Variants in FOXN4 observed in about 807,000 individuals in gnomAD.
FOXN4 encodes the protein forkhead box N4.
In FOXN4, 12 loss-of-function variants were observed where a neutral mutation model predicts 45.0. The observed-to-expected ratio is 0.27, with a 90% CI of 0.17 to 0.43. The LOEUF (loss-of-function observed/expected upper bound fraction) is 0.43, where lower values mean the gene tolerates loss of function less well. Among genes scored for constraint, FOXN4 ranks in the 20% least tolerant of loss-of-function variants. The pLI is 1.00. For missense variants in FOXN4, 560 were observed against 694.9 expected (o/e 0.81, Z 2.18); for synonymous variants, 297 against 295.0 (o/e 1.01, Z -0.07).
In FOXN4 at chr12:109,287,950, C is replaced by T. The variant is rs774643957; in HGVS notation, c.362G>A (p.Ser121Asn). The T allele has an allele frequency of 3.9e-6, 6 of 1,549,774 alleles. No homozygotes were observed. The highest frequency in any genetic ancestry group is 5.2e-6 in the Non-Finnish European group (6 of 1,146,918). The change falls in exon 5 of 10, where the codon AGC (serine) becomes AAC (asparagine). Residue 121 changes from serine to asparagine, a missense_variant. Around this residue, in one of 5 missense-constraint regions of FOXN4, gnomAD observed 142 missense variants for 185.7 expected, o/e 0.76. Coordinates refer to ENST00000299162, the MANE Select transcript of FOXN4 (RefSeq NM_213596.3). The surrounding 1 kb of genome is among the most constrained non-coding windows in gnomAD (Gnocchi z 4.1). The part of the protein sequence containing the change: ...GPITGHRDSM[S>N]QFPVGGQPSS... The stretch of plus-strand genomic sequence containing the variant: ...GGGCTGGCCCCCCACGGGGAACTGG[C>T]TCATCTGCTGGGCAGGAAGAGGAGG...
chr12:109,298,143 T>A (rs1280038943), intron 2 of FOXN4, among the ~76,000 whole-genome samples: 1 of 152,046 alleles, frequency 6.6e-6, no homozygotes, highest in Non-Finnish European at 1.5e-5. Context: ...CCCATCGCCA[T>A]CCCCACCACC....
In FOXN4 at chr12:109,281,513, G is replaced by C. The variant is rs1165340328; in HGVS notation, c.1188C>G (p.Pro396=). 6.2e-7 allele frequency: 1 copy of C among 1,613,916 alleles called. No individual in the cohort carries two copies. Among genetic ancestry groups the C allele is most frequent in the Non-Finnish European group, 8.5e-7 (1 of 1,179,868 alleles). ...ALPDLSPSPL[P]HPAMGRAPVD... is the part of the protein sequence containing the mutation. ...CAGGAGCCCTTCCCATGGCGGGGTG[G>C]GGGAGCGGGCTGGGGCTGAGGTCCG... Residue 396 remains proline, a synonymous_variant, in exon 9 of 10, where the codon CCC becomes CCG. Coordinates refer to ENST00000299162, the MANE Select transcript of FOXN4 (RefSeq NM_213596.3).
intron 2 of FOXN4, among the ~76,000 whole-genome samples, chr12:109,298,257 G>A (rs998520288): frequency 6.6e-5 from 10 of 151,742 alleles, no homozygotes; most frequent in Admixed American, 3.3e-4. Flanking sequence ...AGCAGTAGCC[G>A]AGGGGATGAA....
Position 109,309,016 on chromosome 12 carries a change from G to A in FOXN4, c.-4+103C>T, listed in dbSNP as rs1456980031. ...CCAGGAAGGAGGAAAAGGGAGCAGA[G>A]GGAGGCGGCCCCGCAGCCCCTGCGC... On this transcript the variant is annotated intron_variant, in intron 1 of 9. Coordinates refer to ENST00000299162, the MANE Select transcript of FOXN4 (RefSeq NM_213596.3). This position sits in a 1 kb window ranked among gnomAD's most constrained non-coding sequence, Gnocchi z 5.0. 1.3e-5 allele frequency: 2 copies of A among 152,436 alleles called. No individual in the cohort carries two copies. Among genetic ancestry groups the A allele is most frequent in the Non-Finnish European group, 2.9e-5 (2 of 68,202 alleles). 9.4% of individuals were successfully genotyped at this position (152,436 alleles called of 1,614,324 possible).
chr12:109,280,583 TTC>T (rs2047643777), intron 9 of FOXN4, among the ~76,000 whole-genome samples: 1 of 152,156 alleles, frequency 6.6e-6, no homozygotes, highest in Non-Finnish European at 1.5e-5. Flanking sequence ...AAGACAATGT[TTC>T]TCTTTCTTCA....
rs1829836208 is a variant in FOXN4 at position 109,287,693 on chromosome 12, G to T, written c.468+151C>A. The stretch of plus-strand genomic sequence containing the variant: ...GTCTCCACTCAGGGCAGGAGTTTTG[G>T]GGGAACGGAATGAATGACCCCATGA... On this transcript the variant is annotated intron_variant, in intron 5 of 9. Transcript: ENST00000299162. This position sits in a 1 kb window ranked among gnomAD's most constrained non-coding sequence, Gnocchi z 4.1. The T allele has an allele frequency of 3.5e-6, 4 of 1,133,754 alleles. 1 individual carries two copies. In the South Asian group the frequency reaches 6.5e-5, roughly 19 times the overall value. 70.2% of individuals were successfully genotyped at this position (1,133,754 alleles called of 1,614,324 possible). A position where few individuals can be genotyped will look rare whatever the true frequency, so the allele number is the denominator to read the frequency against.
chr12:109,296,406 C>T (rs555556547), intron 2 of FOXN4, among the ~76,000 whole-genome samples: 10 of 152,338 alleles, frequency 6.6e-5, no homozygotes, highest in South Asian at 4.1e-4. Flanking sequence ...TGTGTCTCTG[C>T]GCCTTCTGTT....
At chr12:109,305,376 A>ATTG (rs1397883209) in intron 2 of FOXN4, among the ~76,000 whole-genome samples, 9 of 134,974 alleles carry the variant, frequency 6.7e-5, no homozygotes, top group Admixed American at 2.5e-4. Flanking sequence ...TGCTATTATT[A>ATTG]TTGTTGTTAT....
chr12:109,296,538 A>G, intron 2 of FOXN4, among the ~76,000 whole-genome samples: 1 of 152,102 alleles, frequency 6.6e-6, no homozygotes, highest in African/African-American at 2.4e-5. Flanking sequence ...TCTGAGCCCA[A>G]CTGGTGGCCC....
In FOXN4 at chr12:109,291,817, G is replaced by A. The variant is rs951052208; in HGVS notation, c.87-1531C>T. Among the ~76,000 whole-genome samples, 6 of 152,194 alleles carry A rather than the reference G, an allele frequency of 3.9e-5. No homozygotes were observed. Among genetic ancestry groups the A allele is most frequent in the South Asian group, 2.1e-4 (1 of 4,822 alleles). Reference sequence around the variant, plus strand: ...CCGTGTCAGTGGCAGCAGTTGGTCCGGCTGCTGTCCCCCGGCATCCCATTG... The same window carrying A: ...CCGTGTCAGTGGCAGCAGTTGGTCCAGCTGCTGTCCCCCGGCATCCCATTG... On this transcript the variant is annotated intron_variant, in intron 2 of 9. Transcript: ENST00000299162. The surrounding 1 kb of genome is among the most constrained non-coding windows in gnomAD (Gnocchi z 6.6).
rs577427493 is a variant in FOXN4 at position 109,291,440 on chromosome 12, G to T, written c.87-1154C>A. 3.4e-4 allele frequency among the ~76,000 whole-genome samples: 51 copies of T among 152,124 alleles called. No individual in the cohort carries two copies. Among genetic ancestry groups the T allele is most frequent in the African/African-American group, 1.2e-3 (49 of 41,516 alleles). ...TCCATGTTTCAAAAATAGCCTCATA[G>T]ATTGAGGGGCAGAGAGAGGCGGGAC... is the stretch of plus-strand genomic sequence containing the variant. On this transcript the variant is annotated intron_variant, in intron 2 of 9. Transcript: ENST00000299162. This position sits in a 1 kb window ranked among gnomAD's most constrained non-coding sequence, Gnocchi z 6.6.
intron 7 of FOXN4, 107 bp from the exon 8 acceptor site, chr12:109,285,618 A>G: frequency 8.8e-7 from 1 of 1,141,524 alleles, no homozygotes; most frequent in Non-Finnish European, 1.3e-6. Flanking sequence ...TGGCAGGAGT[A>G]ATTTGACAGT....
At chr12:109,299,263 C>A (rs1593784229) in intron 2 of FOXN4, among the ~76,000 whole-genome samples, 1 of 152,184 alleles carries the variant, frequency 6.6e-6, no homozygotes, top group South Asian at 2.1e-4. Context: ...CAAAGCTCAG[C>A]CTTTTGCAGG....
chr12:109,299,748 T>C (rs1352432914), intron 2 of FOXN4, among the ~76,000 whole-genome samples: 2 of 152,244 alleles, frequency 1.3e-5, no homozygotes, highest in Non-Finnish European at 2.9e-5. Flanking sequence ...AGTGTCAGAA[T>C]AACACTCTAT....
Position 109,281,535 on chromosome 12 carries a change from T to C in FOXN4, c.1166A>G (p.Asp389Gly), listed in dbSNP as rs2047652326. 1.2e-6 allele frequency: 2 copies of C among 1,613,128 alleles called. No homozygotes were observed. The highest frequency in any genetic ancestry group is 2.7e-5 in the African/African-American group (2 of 74,834). Residue 389 changes from aspartate (D) to glycine (G), a missense_variant, in exon 9 of 10, where the codon GAC (aspartate) becomes GGC (glycine). By Grantham distance (94) the Asp-to-Gly change is moderately conservative (BLOSUM62 -1). This residue lies in a region of FOXN4 where 315 missense variants were observed against 350.5 expected (regional missense o/e 0.90). Transcript: ENST00000299162. Reference sequence around the variant, plus strand: ...GTGGGGGAGCGGGCTGGGGCTGAGGTCCGGCAGGGCGTGCAGTGGCGGGGT... The same window carrying C: ...GTGGGGGAGCGGGCTGGGGCTGAGGCCCGGCAGGGCGTGCAGTGGCGGGGT... ...AQTPPLHALP[D>G]LSPSPLPHPA...
intron 2 of FOXN4, among the ~76,000 whole-genome samples, chr12:109,305,073 C>A (rs1362894220): frequency 6.6e-6 from 1 of 152,220 alleles, no homozygotes; most frequent in Admixed American, 6.5e-5. Context: ...TCTGTTCCAA[C>A]ACCCGTGCTC....
At chr12:109,301,402 T>C (rs1487958175) in intron 2 of FOXN4, among the ~76,000 whole-genome samples, 2 of 152,148 alleles carry the variant, frequency 1.3e-5, no homozygotes, top group Non-Finnish European at 2.9e-5. Flanking sequence ...TTGGAACCTG[T>C]CATTGTCCTT....
At chr12:109,285,262 TG>T in intron 8 of FOXN4, 41 bp downstream of exon 8, 1 of 1,547,554 alleles carries the variant, frequency 6.5e-7, no homozygotes. Flanking sequence ...TGTGTGTGTG[TG>T]TGTGTGTGTG....
At chr12:109,285,171 T>C (rs867082770) in intron 8 of FOXN4, 133 bp downstream of exon 8, 62 of 1,040,446 alleles carry the variant, frequency 6.0e-5, no homozygotes, top group Middle Eastern at 3.0e-4. Context: ...TTTGTGTGTG[T>C]GCGCGTGCGT....
Sources: gnomAD v4.1 joint callset for allele counts (sites outside exome capture counted in the v4.1 genomes callset) on GRCh38, gnomAD v4.1.1 for gene constraint, gnomAD v4.1.1 regional missense constraint, Gnocchi (gnomAD v3.1) non-coding constraint, MANE v1.5 for transcripts, NCBI Gene and HGNC (gene_info 2026-07-23, HGNC 2026-07-21) for gene names.